KCTD8: variants seen among roughly 807,000 people sequenced by gnomAD.
The protein encoded by KCTD8 is potassium channel tetramerization domain containing 8.
In KCTD8, 27 loss-of-function variants were observed where a neutral mutation model predicts 31.5. The observed-to-expected ratio is 0.86, with a 90% confidence interval of 0.63 to 1.18. The LOEUF (loss-of-function observed/expected upper bound fraction) is 1.18, where lower values mean the gene tolerates loss of function less well. Ranked by LOEUF, KCTD8 falls within the 50% of genes most tolerant of loss-of-function variation. KCTD8 has a pLI of 0.00. For synonymous variants in KCTD8, 290 were observed against 280.0 expected (o/e 1.04, Z -0.36); for missense variants, 658 against 647.7 (o/e 1.02, Z -0.17).
intron 1 of KCTD8, among the ~76,000 whole-genome samples, chr4:44,273,260 A>T (rs1015485077): frequency 3.9e-5 from 6 of 152,004 alleles, no homozygotes; most frequent in African/African-American, 1.4e-4. Context: ...GGTAAAGAAC[A>T]AGTATATTGA....
At chr4:44,355,304 T>C (rs762361713) in intron 1 of KCTD8, among the ~76,000 whole-genome samples, 4 of 152,278 alleles carry the variant, frequency 2.6e-5, no homozygotes, top group Admixed American at 1.3e-4. Context: ...ACTAGAAACA[T>C]TGATTACTAA....
intron 1 of KCTD8, among the ~76,000 whole-genome samples, chr4:44,439,336 T>C (rs1289896914): frequency 6.6e-6 from 1 of 152,178 alleles, no homozygotes; most frequent in Admixed American, 6.5e-5. Flanking sequence ...TCTTCCATTT[T>C]ATTTGCTTTT....
At chr4:44,264,268 A>T (rs926346475) in intron 1 of KCTD8, among the ~76,000 whole-genome samples, 3 of 152,230 alleles carry the variant, frequency 2.0e-5, no homozygotes, top group East Asian at 1.9e-4. Context: ...AGAATTTTTT[A>T]AAAATATTAG....
At chr4:44,316,425 T>A (rs1718110113) in intron 1 of KCTD8, among the ~76,000 whole-genome samples, 1 of 152,172 alleles carries the variant, frequency 6.6e-6, no homozygotes, top group Non-Finnish European at 1.5e-5. Flanking sequence ...TTGTTTTTAG[T>A]TCATCCTGGA....
At chr4:44,226,407 T>C (rs1445823536) in intron 1 of KCTD8, among the ~76,000 whole-genome samples, 3 of 152,252 alleles carry the variant, frequency 2.0e-5, no homozygotes, top group Non-Finnish European at 4.4e-5. Context: ...TTCCATGTTA[T>C]ATATGTACCA....
chr4:44,228,862 T>A (rs1715040778), intron 1 of KCTD8, among the ~76,000 whole-genome samples: 1 of 152,342 alleles, frequency 6.6e-6, no homozygotes, highest in South Asian at 2.1e-4. Flanking sequence ...GAATTGTGCT[T>A]TATATAAAGT....
At chr4:44,188,341 A>G (rs1191236492) in intron 1 of KCTD8, among the ~76,000 whole-genome samples, 1 of 152,216 alleles carries the variant, frequency 6.6e-6, no homozygotes, top group African/African-American at 2.4e-5. Flanking sequence ...TCATAGTACA[A>G]TAAAAAAGTG....
chr4:44,399,525 G>T (rs997265306), intron 1 of KCTD8, among the ~76,000 whole-genome samples: 2 of 152,130 alleles, frequency 1.3e-5, no homozygotes, highest in African/African-American at 4.8e-5. Context: ...CCTCGGTAAA[G>T]ATTCAAGGAA....
chr4:44,405,728 A>T (rs1205313569), intron 1 of KCTD8, among the ~76,000 whole-genome samples: 1 of 151,426 alleles, frequency 6.6e-6, no homozygotes, highest in Non-Finnish European at 1.5e-5. Context: ...CAAGATAACA[A>T]CTACAAAGTA....
Position 44,305,507 on chromosome 4 carries a change from T to C in KCTD8, c.962-130257A>G, listed in dbSNP as rs568788892. Among the ~76,000 whole-genome samples, 6 of 151,580 alleles carry C rather than the reference T, an allele frequency of 4.0e-5. 1 individual carries two copies. The highest frequency in any genetic ancestry group is 1.5e-4 in the African/African-American group (6 of 41,334). On this transcript the variant is annotated intron_variant, in intron 1 of 1. Coordinates refer to ENST00000360029, the MANE Select transcript of KCTD8 (RefSeq NM_198353.3). The stretch of plus-strand genomic sequence containing the variant: ...TCTTTATTAAACAAACTCACCAGGA[T>C]GATATAAAACTTATAAACTCATATA...
intron 1 of KCTD8, among the ~76,000 whole-genome samples, chr4:44,271,932 T>C (rs1261808371): frequency 1.3e-5 from 2 of 151,994 alleles, no homozygotes; most frequent in Non-Finnish European, 2.9e-5. Context: ...TCTTTAATCC[T>C]CTAGTGCCGC....
At chr4:44,337,945 T>C (rs1266309950) in intron 1 of KCTD8, among the ~76,000 whole-genome samples, 1 of 152,002 alleles carries the variant, frequency 6.6e-6, no homozygotes, top group Non-Finnish European at 1.5e-5. Flanking sequence ...TGAAAATGGA[T>C]ATGAGTGCTT....
chr4:44,354,753 C>T (rs534312911), intron 1 of KCTD8, among the ~76,000 whole-genome samples: 9 of 152,100 alleles, frequency 5.9e-5, no homozygotes, highest in Non-Finnish European at 1.0e-4. Context: ...CTTGTAAGCA[C>T]CATGCTGTGT....
At chr4:44,239,669 A>C (rs1323686354) in intron 1 of KCTD8, among the ~76,000 whole-genome samples, 1 of 152,186 alleles carries the variant, frequency 6.6e-6, no homozygotes, top group African/African-American at 2.4e-5. Flanking sequence ...CCCATTTGAC[A>C]CTTCAAAGAT....
intron 1 of KCTD8, 37 bp downstream of exon 1, chr4:44,447,526 C>CTCA (rs1721972499): frequency 2.0e-6 from 3 of 1,496,016 alleles, no homozygotes; most frequent in Non-Finnish European, 2.7e-6. Context: ...CAGCAGGGGG[C>CTCA]GAGGGGTGCT....
chr4:44,344,164 C>T (rs1718979685), intron 1 of KCTD8, among the ~76,000 whole-genome samples: 1 of 151,604 alleles, frequency 6.6e-6, no homozygotes. Context: ...GCCCACATTA[C>T]AGGTTTTTTA....
chr4:44,292,247 C>T (rs1346987037), intron 1 of KCTD8, among the ~76,000 whole-genome samples: 1 of 151,958 alleles, frequency 6.6e-6, no homozygotes, highest in Non-Finnish European at 1.5e-5. Context: ...CAGTGGACTG[C>T]ATAAAGAAAA....
At chr4:44,402,620 G>T (rs534553649) in intron 1 of KCTD8, among the ~76,000 whole-genome samples, 2 of 152,024 alleles carry the variant, frequency 1.3e-5, no homozygotes, top group Non-Finnish European at 2.9e-5. Flanking sequence ...GTCCTGGGGG[G>T]GCCCTAGAAA....
intron 1 of KCTD8, among the ~76,000 whole-genome samples, chr4:44,222,268 A>C (rs919552769): frequency 2.0e-5 from 3 of 151,986 alleles, no homozygotes; most frequent in Non-Finnish European, 4.4e-5. Context: ...TTGAGCCTGA[A>C]GTTGACATAC....
Sources: allele counts gnomAD v4.1 joint callset (sites outside exome capture counted in the v4.1 genomes callset), GRCh38; gene constraint gnomAD v4.1.1; transcripts MANE v1.5; gene names NCBI Gene and HGNC (gene_info 2026-07-23, HGNC 2026-07-21).